PDZD2: variants seen among roughly 807,000 people sequenced by gnomAD.
PDZD2 encodes the protein PDZ domain-containing protein 2.
In PDZD2, 90 loss-of-function variants were observed where a neutral mutation model predicts 220.7. The ratio of observed to expected loss-of-function variants is 0.41; its 90% confidence interval spans 0.34 to 0.49. The LOEUF (loss-of-function observed/expected upper bound fraction) is 0.49, where lower values mean the gene tolerates loss of function less well. Ranked by LOEUF, PDZD2 falls within the 20% of genes least tolerant of loss-of-function variation. The pLI, the probability that PDZD2 is intolerant of heterozygous loss-of-function variation, is 0.28. For missense variants in PDZD2, 3,174 were observed against 3,608.5 expected (o/e 0.88, Z 3.08); for synonymous variants, 1,375 against 1,450.5 (o/e 0.95, Z 1.18).
At chr5:31,914,952 A>C (rs1743551433) in intron 2 of PDZD2, among the ~76,000 whole-genome samples, 1 of 152,230 alleles carries the variant, frequency 6.6e-6, no homozygotes, top group Admixed American at 6.5e-5. Flanking sequence ...ACAGAGGTTA[A>C]GTTCAGCAAA....
intron 19 of PDZD2, chr5:32,077,814 G>A (rs766365944): frequency 2.1e-4 from 97 of 467,876 alleles, no homozygotes; most frequent in Non-Finnish European, 2.1e-4. Flanking sequence ...AAAATTAGCC[G>A]GGCGTGGTGG....
At chr5:31,827,933 C>T (rs1259764212) in intron 2 of PDZD2, among the ~76,000 whole-genome samples, 1 of 152,120 alleles carries the variant, frequency 6.6e-6, no homozygotes, top group East Asian at 1.9e-4. Flanking sequence ...CTTTCTGTTC[C>T]TATAGATTTA....
intron 1 of PDZD2, among the ~76,000 whole-genome samples, chr5:31,796,460 A>G (rs1274578779): frequency 6.6e-6 from 1 of 152,058 alleles, no homozygotes; most frequent in Non-Finnish European, 1.5e-5. Context: ...TCCCCACAGG[A>G]GATAGAATCG....
At chr5:31,729,172 C>T (rs1341402359) in intron 1 of PDZD2, among the ~76,000 whole-genome samples, 2 of 142,684 alleles carry the variant, frequency 1.4e-5, no homozygotes, top group Non-Finnish European at 3.0e-5. Flanking sequence ...GGTGCGATCT[C>T]GGCTAACTGC....
intron 6 of PDZD2, among the ~76,000 whole-genome samples, chr5:32,019,895 A>G (rs10940993): frequency 0.48 from 73,333 of 151,756 alleles, 20,185 homozygotes; most frequent in Non-Finnish European, 0.63. Flanking sequence ...TGCGCATTTC[A>G]TTAGTGTTCC....
chr5:31,851,544 T>C (rs1016586425), intron 2 of PDZD2, among the ~76,000 whole-genome samples: 4 of 152,216 alleles, frequency 2.6e-5, no homozygotes, highest in African/African-American at 9.6e-5. Flanking sequence ...TAATGAACCA[T>C]TTCCTTAATG....
chr5:31,735,814 A>T (rs925350001), intron 1 of PDZD2, among the ~76,000 whole-genome samples: 2 of 152,148 alleles, frequency 1.3e-5, no homozygotes, highest in Non-Finnish European at 2.9e-5. Flanking sequence ...GCACGGTAGC[A>T]TGCGCCTGTA....
chr5:31,831,911 CAAAAAAAAAAAAAAA>C lies in PDZD2; in HGVS notation c.476+32196_476+32210del, dbSNP rs56394577. On this transcript the variant is annotated intron_variant, in intron 2 of 24. Coordinates refer to ENST00000438447, the MANE Select transcript of PDZD2 (RefSeq NM_178140.4). ...CCTGGGTGACAGAGTGAGACTGTTT[CAAAAAAAAAAAAAAA>C]AAAAAAAAGAATAACGATGGGGTGG... Among the ~76,000 whole-genome samples the C allele has an allele frequency of 2.7e-3, 173 of 63,744 alleles. 1 individual carries two copies. The highest frequency in any genetic ancestry group is 0.011 in the African/African-American group (166 of 14,792). The allele number at this position is 63,744 out of a possible 152,430, so 41.8% of individuals were successfully genotyped here. A position where few individuals can be genotyped will look rare whatever the true frequency, so the allele number is the denominator to read the frequency against.
intron 2 of PDZD2, among the ~76,000 whole-genome samples, chr5:31,927,457 C>T (rs1744897606): frequency 2.6e-5 from 4 of 152,176 alleles, no homozygotes; most frequent in South Asian, 2.1e-4. Context: ...CTATCTCGCT[C>T]ACTGCAGCCT....
rs371559837 is a variant in PDZD2 at position 31,865,134 on chromosome 5, A to G, written c.476+65410A>G. On this transcript the variant is annotated intron_variant, in intron 2 of 24. Coordinates refer to ENST00000438447, the MANE Select transcript of PDZD2 (RefSeq NM_178140.4). ...AGTGCTGGGATTACAGGCGTGAACC[A>G]TCGCGCCCAGCTGAGATTTGTCATC... 2.0e-5 allele frequency among the ~76,000 whole-genome samples: 3 copies of G among 151,974 alleles called. No homozygotes were observed. The South Asian group carries it at 6.2e-4, about 32-fold the overall frequency.
intron 2 of PDZD2, among the ~76,000 whole-genome samples, chr5:31,961,933 C>T (rs1748276205): frequency 6.6e-6 from 1 of 152,042 alleles, no homozygotes; most frequent in Non-Finnish European, 1.5e-5. Flanking sequence ...CTTTTTTTTA[C>T]CCTTTCCCTC....
chr5:32,055,991 A>G (rs1329699115), intron 10 of PDZD2, among the ~76,000 whole-genome samples: 2 of 152,224 alleles, frequency 1.3e-5, no homozygotes, highest in Non-Finnish European at 2.9e-5. Flanking sequence ...ATAGCACTTG[A>G]TTCTCCTAAA....
At chr5:31,742,063 C>T (rs1316370456) in intron 1 of PDZD2, 4 of 152,232 alleles carry the variant, frequency 2.6e-5, no homozygotes, top group Admixed American at 2.6e-4. Flanking sequence ...TTGAGGCCCT[C>T]TTCTTATGAA....
At chr5:32,093,050 A>C in intron 21 of PDZD2, 26 bp downstream of exon 21, 1 of 1,237,332 alleles carries the variant, frequency 8.1e-7, no homozygotes, top group Non-Finnish European at 1.2e-6. Context: ...AAAGCTCAGG[A>C]ACATGAATTG....
intron 1 of PDZD2, chr5:31,742,011 A>G (rs67311612): frequency 6.6e-6 from 1 of 152,116 alleles, no homozygotes; most frequent in Non-Finnish European, 1.5e-5. Flanking sequence ...TGGTGGAACT[A>G]AAGTCCAGCC....
intron 1 of PDZD2, among the ~76,000 whole-genome samples, chr5:31,661,762 A>C (rs1314686613): frequency 1.3e-5 from 2 of 151,102 alleles, no homozygotes; most frequent in Non-Finnish European, 2.9e-5. Flanking sequence ...AAAGATAGAT[A>C]GAAATAAGTA....
At chr5:31,976,021 A>C (rs1006552547) in intron 2 of PDZD2, among the ~76,000 whole-genome samples, 3 of 151,628 alleles carry the variant, frequency 2.0e-5, no homozygotes, top group African/African-American at 7.3e-5. Context: ...GATATCAGCC[A>C]CTCTTACTAG....
At chr5:31,883,946 C>T (rs1007496606) in intron 2 of PDZD2, among the ~76,000 whole-genome samples, 4 of 152,140 alleles carry the variant, frequency 2.6e-5, no homozygotes, top group African/African-American at 9.7e-5. Flanking sequence ...GGCGCGGTGG[C>T]TCCCGCATGT....
chr5:32,107,697 G>A (rs544975872), intron 24 of PDZD2, among the ~76,000 whole-genome samples: 1 of 152,148 alleles, frequency 6.6e-6, no homozygotes, highest in African/African-American at 2.4e-5. Context: ...ACCATTTGTT[G>A]ATTAAATACA....
Sources: gnomAD v4.1 joint callset for allele counts (sites outside exome capture counted in the v4.1 genomes callset) on GRCh38, gnomAD v4.1.1 for gene constraint, MANE v1.5 for transcripts, NCBI Gene and HGNC (gene_info 2026-07-23, HGNC 2026-07-21) for gene names.